The following ACADM variants were observed in gnomAD, a reference collection of about 807,000 sequenced individuals.
The protein encoded by ACADM is medium-chain specific acyl-CoA dehydrogenase, mitochondrial.
In ACADM, 49 loss-of-function variants were observed where a neutral mutation model predicts 58.9. That is an observed-to-expected ratio of 0.83 (90% CI 0.66 to 1.06). The LOEUF is 1.06. Among genes scored for constraint, ACADM ranks in the 50% least tolerant of loss-of-function variants. The pLI is 0.00. For synonymous variants in ACADM, 160 were observed against 157.7 expected, an observed-to-expected ratio of 1.01 and a Z score of -0.11; for missense variants, 496 against 507.0, an observed-to-expected ratio of 0.98 and a Z score of 0.21.
At chr1:75,736,527 G>T (rs1489595777) in intron 6 of ACADM, among the ~76,000 whole-genome samples, 2 of 152,016 alleles carry the variant, frequency 1.3e-5, no homozygotes, top group Non-Finnish European at 2.9e-5. Context: ...CGTCTAGATT[G>T]TTCTCCTGTA....
Position 75,744,470 on chromosome 1 carries a change from CCA to C in ACADM, c.600-1334_600-1333del, listed in dbSNP as rs780241032. Reference sequence around the variant, plus strand: ...GTCTTGTCAGTTTCAATCTCACAAACCACTTCATCTTCTGCAACTGTGTCTCC... The same window carrying C: ...GTCTTGTCAGTTTCAATCTCACAAACCTTCATCTTCTGCAACTGTGTCTCC... On this transcript the variant is annotated intron_variant, in intron 7 of 11. Coordinates refer to ENST00000370841, the MANE Select transcript of ACADM (RefSeq NM_000016.6). 9 of 1,531,576 alleles carry C rather than the reference CCA, an allele frequency of 5.9e-6. No individual in the cohort carries two copies. The African/African-American group carries it at 6.8e-5, about 12-fold the overall frequency. 94.9% of individuals were successfully genotyped at this position (1,531,576 alleles called of 1,614,324 possible). A position where few individuals can be genotyped will look rare whatever the true frequency, so the allele number is the denominator to read the frequency against.
intron 5 of ACADM, among the ~76,000 whole-genome samples, chr1:75,734,217 G>C (rs1322981082): frequency 6.9e-6 from 1 of 143,984 alleles, no homozygotes; most frequent in Non-Finnish European, 1.5e-5. Context: ...AGGCTGGAGT[G>C]CAGTGGCGCG....
chr1:75,741,241 A>G (rs2100393197), intron 7 of ACADM, among the ~76,000 whole-genome samples: 1 of 152,346 alleles, frequency 6.6e-6, no homozygotes, highest in East Asian at 1.9e-4. Context: ...TTTCTAGCAA[A>G]TAAAACATCA....
At chr1:75,735,606 A>G (rs1179258806) in intron 6 of ACADM, among the ~76,000 whole-genome samples, 2 of 152,148 alleles carry the variant, frequency 1.3e-5, no homozygotes, top group Non-Finnish European at 2.9e-5. Flanking sequence ...TAATCCCAGC[A>G]CTTTGAGAGT....
chr1:75,732,349 C>T (rs965465708), intron 2 of ACADM, among the ~76,000 whole-genome samples: 9 of 152,218 alleles, frequency 5.9e-5, no homozygotes, highest in Middle Eastern at 3.4e-3. Context: ...ATAAGTTAAA[C>T]GTTTTTTATA....
chr1:75,762,583 G>T, intron 11 of ACADM, 109 bp from the exon 12 acceptor site: 1 of 731,710 alleles, frequency 1.4e-6, no homozygotes, highest in South Asian at 1.6e-5. Flanking sequence ...TATATGGTTT[G>T]ATTCGGTTTT....
intron 8 of ACADM, among the ~76,000 whole-genome samples, chr1:75,747,028 A>C (rs890522400): frequency 6.6e-6 from 1 of 152,220 alleles, no homozygotes; most frequent in African/African-American, 2.4e-5. Flanking sequence ...CACTTGACAA[A>C]ACAGATGATA....
Position 75,749,531 on chromosome 1 carries a change from T to A in ACADM, c.821T>A (p.Met274Lys). The A allele has an allele frequency of 6.2e-7, 1 of 1,614,056 alleles. No individual in the cohort carries two copies. Among genetic ancestry groups the A allele is most frequent in the Non-Finnish European group, 8.5e-7 (1 of 1,179,972 alleles). Residue 274 changes from methionine to lysine, a missense_variant, in exon 9 of 12, where the codon ATG (methionine) becomes AAG (lysine). Physicochemically the swap from Met to Lys is moderately conservative, Grantham distance 95. Transcript: ENST00000370841. ...IGDGAGFKVA[M>K]GAFDKTRPVV... ...GACGGAGCTGGTTTCAAAGTTGCAA[T>A]GGGAGCTTTTGATAAAACCAGACCT... is the stretch of plus-strand genomic sequence containing the variant.
chr1:75,744,699 T>C, intron 7 of ACADM: 1 of 781,764 alleles, frequency 1.3e-6, no homozygotes, highest in Non-Finnish European at 2.4e-6. Context: ...AATGTCTCCC[T>C]AGAGGGCAGT....
rs189676469 is a variant in ACADM, at chr1:75,736,959, C to T, written c.468+2088C>T. Among the ~76,000 whole-genome samples, 103 of 151,994 alleles carry T rather than the reference C, an allele frequency of 6.8e-4. 1 individual carries two copies. The highest frequency in any genetic ancestry group is 2.3e-3 in the African/African-American group (96 of 41,470). ...TTAACAACATGAACATTTTCTTATGCCTTCCTTCTTTTTACATGCTGTAAC... is the reference window on the plus strand; with the variant it reads ...TTAACAACATGAACATTTTCTTATGTCTTCCTTCTTTTTACATGCTGTAAC... On this transcript the variant is annotated intron_variant, in intron 6 of 11. Coordinates refer to ENST00000370841, the MANE Select transcript of ACADM (RefSeq NM_000016.6).
chr1:75,754,686 C>T (rs1648398780), intron 10 of ACADM, among the ~76,000 whole-genome samples: 1 of 152,210 alleles, frequency 6.6e-6, no homozygotes, highest in Non-Finnish European at 1.5e-5. Context: ...GTCTACAGGT[C>T]CCAGCATGAG....
chr1:75,754,566 A>G (rs1570899489), intron 10 of ACADM, among the ~76,000 whole-genome samples: 2 of 152,316 alleles, frequency 1.3e-5, no homozygotes, highest in Admixed American at 1.3e-4. Context: ...GGGTCAGGTT[A>G]TTCTTGGAAT....
chr1:75,753,473 A>G (rs1221302186), intron 10 of ACADM, among the ~76,000 whole-genome samples: 7 of 151,644 alleles, frequency 4.6e-5, no homozygotes, highest in African/African-American at 1.7e-4. Flanking sequence ...TGCCAGAACT[A>G]CATATGTACA....
At chr1:75,732,780 A>G (rs767630461) in intron 3 of ACADM, 39 bp downstream of exon 3, 3 of 1,606,420 alleles carry the variant, frequency 1.9e-6, no homozygotes, top group Non-Finnish European at 2.6e-6. Context: ...AATCTTTTAC[A>G]TTTTTTACAA....
Position 75,747,220 on chromosome 1 carries a change from A to G in ACADM, c.708+1306A>G, listed in dbSNP as rs562865641. Among the ~76,000 whole-genome samples, 2 of 152,154 alleles carry G rather than the reference A, an allele frequency of 1.3e-5. 1 individual carries two copies. The highest frequency in any genetic ancestry group is 3.9e-4 in the East Asian group (2 of 5,174). The stretch of plus-strand genomic sequence containing the variant: ...AACAGCTTATACTTTTTTTAGTAGT[A>G]AACTCACTCCTGATTTTATCTTGCT... On this transcript the variant is annotated intron_variant, in intron 8 of 11. Coordinates refer to ENST00000370841, the MANE Select transcript of ACADM (RefSeq NM_000016.6).
chr1:75,758,046 A>AT (rs1648608186), intron 10 of ACADM, among the ~76,000 whole-genome samples: 1 of 152,092 alleles, frequency 6.6e-6, no homozygotes, highest in African/African-American at 2.4e-5. Context: ...AGGATATCTA[A>AT]TTTTTTTACT....
chr1:75,730,139 C>T (rs749019410), intron 2 of ACADM, among the ~76,000 whole-genome samples: 1 of 152,126 alleles, frequency 6.6e-6, no homozygotes, highest in Non-Finnish European at 1.5e-5. Flanking sequence ...AAGTGATCCA[C>T]CCGTCTTGTC....
chr1:75,736,342 A>G (rs1647264974), intron 6 of ACADM, among the ~76,000 whole-genome samples: 1 of 152,234 alleles, frequency 6.6e-6, no homozygotes, highest in Non-Finnish European at 1.5e-5. Context: ...AATTCATCTT[A>G]AAGAACAGAA....
chr1:75,736,179 C>CAG (rs1196198809), intron 6 of ACADM, among the ~76,000 whole-genome samples: 3 of 150,562 alleles, frequency 2.0e-5, no homozygotes, highest in African/African-American at 7.3e-5. Context: ...GACATACACA[C>CAG]ACACACACAC....
Sources: allele counts gnomAD v4.1 joint callset (sites outside exome capture counted in the v4.1 genomes callset), GRCh38; gene constraint gnomAD v4.1.1; transcripts MANE v1.5; gene names NCBI Gene and HGNC (gene_info 2026-07-23, HGNC 2026-07-21).